Variants in LIPC observed in about 807,000 individuals in gnomAD.
LIPC encodes hepatic triacylglycerol lipase.
In LIPC, 44 loss-of-function variants were observed where a neutral mutation model predicts 50.7. The ratio of observed to expected loss-of-function variants is 0.87; its 90% CI spans 0.68 to 1.11. The LOEUF (loss-of-function observed/expected upper bound fraction) is 1.11. Ranked by LOEUF, LIPC falls within the 50% of genes most tolerant of loss-of-function variation. The pLI is 0.00. For missense variants in LIPC, 697 were observed against 648.2 expected (o/e 1.08, Z -0.82); for synonymous variants, 271 against 256.4 (o/e 1.06, Z -0.54).
intron 1 of LIPC, among the ~76,000 whole-genome samples, chr15:58,493,965 A>T (rs76551411): frequency 6.6e-6 from 1 of 152,134 alleles, no homozygotes; most frequent in Non-Finnish European, 1.5e-5. Flanking sequence ...AGGTTTTAAG[A>T]AATGAGAGTA....
chr15:58,505,510 G>A (rs1420166291), intron 1 of LIPC, among the ~76,000 whole-genome samples: 1 of 152,198 alleles, frequency 6.6e-6, no homozygotes, highest in Non-Finnish European at 1.5e-5. Context: ...CAGCTTGGTA[G>A]GGATGTCTAT....
At chr15:58,560,327 A>C (rs7179938) in intron 6 of LIPC, among the ~76,000 whole-genome samples, 144,367 of 152,182 alleles carry the variant, frequency 0.95, 68,685 homozygotes, top group South Asian at 0.99. Flanking sequence ...ACTTATTGAA[A>C]CTCACAGAGC....
intron 1 of LIPC, among the ~76,000 whole-genome samples, chr15:58,450,796 G>A (rs982741702): frequency 5.3e-5 from 8 of 152,112 alleles, no homozygotes; most frequent in East Asian, 1.9e-4. Context: ...AGAGCCCACC[G>A]TGCTAGTTTT....
At chr15:58,508,425 C>T (rs114911314) in intron 1 of LIPC, among the ~76,000 whole-genome samples, 2,341 of 152,222 alleles carry the variant, frequency 0.015, 66 homozygotes, top group African/African-American at 0.054. Flanking sequence ...ATGACCTGAA[C>T]ACAGGATTCA....
chr15:58,531,700 C>G (rs1892966430), intron 1 of LIPC, among the ~76,000 whole-genome samples: 1 of 147,056 alleles, frequency 6.8e-6, no homozygotes, highest in Non-Finnish European at 1.5e-5. Context: ...ATCTCATTTT[C>G]TTATTTGACA....
chr15:58,446,480 C>T (rs1893698334), intron 1 of LIPC, among the ~76,000 whole-genome samples: 1 of 152,304 alleles, frequency 6.6e-6, no homozygotes, highest in South Asian at 2.1e-4. Flanking sequence ...TTGTTGATAG[C>T]GTTTTTCAGA....
chr15:58,501,701 A>G (rs1891990339), intron 1 of LIPC, among the ~76,000 whole-genome samples: 1 of 152,092 alleles, frequency 6.6e-6, no homozygotes, highest in Non-Finnish European at 1.5e-5. Flanking sequence ...TTAAATCTCT[A>G]CAGAAGCCAA....
At chr15:58,460,683 A>G (rs1046823459) in intron 1 of LIPC, among the ~76,000 whole-genome samples, 18 of 152,180 alleles carry the variant, frequency 1.2e-4, no homozygotes, top group Admixed American at 9.8e-4. Context: ...CCCACTGCAG[A>G]GCTCACACAG....
At chr15:58,508,536 T>C (rs1464526146) in intron 1 of LIPC, among the ~76,000 whole-genome samples, 2 of 152,160 alleles carry the variant, frequency 1.3e-5, no homozygotes, top group Non-Finnish European at 2.9e-5. Flanking sequence ...TCTTTTCCTC[T>C]CCTATAGGCC....
intron 1 of LIPC, among the ~76,000 whole-genome samples, chr15:58,453,074 G>A (rs112341099): frequency 0.023 from 3,469 of 152,194 alleles, 114 homozygotes; most frequent in African/African-American, 0.079. Flanking sequence ...AAATGACTTC[G>A]GTCTTCTTCC....
intron 2 of LIPC, among the ~76,000 whole-genome samples, chr15:58,539,549 G>C (rs1443633184): frequency 6.6e-6 from 1 of 152,150 alleles, no homozygotes; most frequent in East Asian, 1.9e-4. Context: ...TTCAAGCATA[G>C]TTCACAATTT....
At chr15:58,510,509 A>G (rs1262499863) in intron 1 of LIPC, among the ~76,000 whole-genome samples, 1 of 152,264 alleles carries the variant, frequency 6.6e-6, no homozygotes, top group Non-Finnish European at 1.5e-5. Flanking sequence ...CAAAGTAACA[A>G]AAAGTGTTTT....
intron 1 of LIPC, among the ~76,000 whole-genome samples, chr15:58,524,253 T>C (rs1892738253): frequency 6.6e-6 from 1 of 152,206 alleles, no homozygotes; most frequent in South Asian, 2.1e-4. Context: ...ATTCTAGAAA[T>C]CTTTTCAAAT....
chr15:58,547,280 T>C (rs1269530186), intron 5 of LIPC, among the ~76,000 whole-genome samples: 2 of 152,214 alleles, frequency 1.3e-5, no homozygotes, highest in African/African-American at 4.8e-5. Context: ...CAGATTCACC[T>C]TCACTACCTC....
At chr15:58,512,903 C>T (rs773577199) in intron 1 of LIPC, among the ~76,000 whole-genome samples, 1 of 151,498 alleles carries the variant, frequency 6.6e-6, no homozygotes, top group African/African-American at 2.4e-5. Context: ...CTCCAGACCC[C>T]GGCACAAGAC....
chr15:58,444,413 C>T (rs1690452249), intron 1 of LIPC, among the ~76,000 whole-genome samples: 1 of 152,224 alleles, frequency 6.6e-6, no homozygotes, highest in Non-Finnish European at 1.5e-5. Context: ...AGGACCCCAA[C>T]ATGGTCACTC....
Position 58,500,317 on chromosome 15 carries a change from G to A in LIPC, c.89-38016G>A, listed in dbSNP as rs151163661. Among the ~76,000 whole-genome samples the A allele has an allele frequency of 2.8e-3, 421 of 152,298 alleles. 3 individuals are homozygous for A. Among genetic ancestry groups the A allele is most frequent in the African/African-American group, 9.2e-3 (383 of 41,554 alleles). On this transcript the variant is annotated intron_variant, in intron 1 of 8. Transcript: ENST00000299022. ...AGGCTGTGAGATGATTTTGTGAGATGTAAGCGCCCAACAGATGGTGGTGAT... is the reference window on the plus strand; with the variant it reads ...AGGCTGTGAGATGATTTTGTGAGATATAAGCGCCCAACAGATGGTGGTGAT...
At chr15:58,446,942 G>A (rs1272151158) in intron 1 of LIPC, among the ~76,000 whole-genome samples, 1 of 152,084 alleles carries the variant, frequency 6.6e-6, no homozygotes, top group Non-Finnish European at 1.5e-5. Flanking sequence ...GAGGTTAGGA[G>A]TTGGAGACCA....
In LIPC at chr15:58,448,738, G is replaced by A. The variant is rs190598998; in HGVS notation, c.88+16618G>A. ...CCCCATTTTAAAAATGGGAAAACAG[G>A]CTTAAAAAGTCAGATGTCTGGCCCA... On this transcript the variant is annotated intron_variant, in intron 1 of 8. Coordinates refer to ENST00000299022, the MANE Select transcript of LIPC (RefSeq NM_000236.3). 3.7e-4 allele frequency among the ~76,000 whole-genome samples: 57 copies of A among 152,372 alleles called. 1 individual carries two copies. The highest frequency in any genetic ancestry group is 3.4e-3 in the Middle Eastern group (1 of 294).
Sources: allele counts gnomAD v4.1 joint callset (sites outside exome capture counted in the v4.1 genomes callset), GRCh38; gene constraint gnomAD v4.1.1; transcripts MANE v1.5; gene names NCBI Gene and HGNC (gene_info 2026-07-23, HGNC 2026-07-21).